The following AGPAT5 variants were observed in gnomAD, a reference collection of about 807,000 sequenced individuals.
AGPAT5 encodes the protein 1-acyl-sn-glycerol-3-phosphate acyltransferase epsilon.
In AGPAT5, 46 loss-of-function variants were observed where a neutral mutation model predicts 45.6. The observed-to-expected ratio is 1.01, with a 90% CI of 0.80 to 1.29. AGPAT5 has a LOEUF of 1.29. AGPAT5 is among the 50% of genes most tolerant of loss of function. The probability of loss-of-function intolerance (pLI) is 0.00; values close to 1 mark genes in which losing one functional copy is unlikely to be tolerated. For synonymous variants in AGPAT5, 272 were observed against 167.0 expected, an observed-to-expected ratio of 1.63 and a Z score of -4.85; for missense variants, 673 against 450.7, an observed-to-expected ratio of 1.49 and a Z score of -4.47.
chr8:6,722,450 A>G (rs891126423), intron 1 of AGPAT5, among the ~76,000 whole-genome samples: 9 of 152,224 alleles, frequency 5.9e-5, no homozygotes, highest in Non-Finnish European at 1.0e-4. Flanking sequence ...ACAAATGGAC[A>G]TGATTGAGAT....
At chr8:6,729,458 C>G (rs1323160379) in intron 2 of AGPAT5, among the ~76,000 whole-genome samples, 2 of 149,798 alleles carry the variant, frequency 1.3e-5, no homozygotes, top group African/African-American at 5.0e-5. Context: ...TAACAGTTTT[C>G]TTTTCGAGTA....
chr8:6,730,537 A>G (rs1587024164), intron 2 of AGPAT5, among the ~76,000 whole-genome samples, 174 bp from the exon 3 acceptor site: 1 of 17,650 alleles, frequency 5.7e-5, no homozygotes, highest in Non-Finnish European at 8.7e-5. Flanking sequence ...TCACCGTGTT[A>G]GCCAGGATGG....
chr8:6,724,219 G>A (rs1330988069), intron 1 of AGPAT5, among the ~76,000 whole-genome samples: 1 of 152,090 alleles, frequency 6.6e-6, no homozygotes, highest in Admixed American at 6.6e-5. Flanking sequence ...AAAGACTTCT[G>A]CCATTCCAGT....
chr8:6,708,765 G>T lies in AGPAT5; in HGVS notation c.97G>T (p.Gly33Trp). ...GGCGCCCACCTACGTGTTGGCCTGG[G>T]GGGTCTGGCGGCTGCTCTCCGCCTT... ...GTAPTYVLAW[G>W]VWRLLSAFLP... Residue 33 changes from glycine (G) to tryptophan (W), a missense_variant, in exon 1 of 8, where the codon GGG becomes TGG. Coordinates refer to ENST00000285518, the MANE Select transcript of AGPAT5 (RefSeq NM_018361.5). 1 of 1,608,608 alleles carries T rather than the reference G, an allele frequency of 6.2e-7. No homozygotes were observed.
chr8:6,723,182 T>A (rs1328458313), intron 1 of AGPAT5, among the ~76,000 whole-genome samples: 1 of 152,202 alleles, frequency 6.6e-6, no homozygotes, highest in Non-Finnish European at 1.5e-5. Flanking sequence ...AATAATTCAG[T>A]AAACATCTGT....
intron 4 of AGPAT5, among the ~76,000 whole-genome samples, chr8:6,739,708 G>C (rs1378552928): frequency 6.6e-6 from 1 of 152,030 alleles, no homozygotes; most frequent in Non-Finnish European, 1.5e-5. Context: ...AGAAATAACA[G>C]TTTTACTTTG....
At chr8:6,754,209 G>T (rs1275023125) in intron 6 of AGPAT5, among the ~76,000 whole-genome samples, 1 of 152,096 alleles carries the variant, frequency 6.6e-6, no homozygotes, top group Non-Finnish European at 1.5e-5. Flanking sequence ...GTTCTTTCTT[G>T]GAATAAATAA....
At chr8:6,751,224 T>A (rs1801645148) in intron 6 of AGPAT5, among the ~76,000 whole-genome samples, 2 of 152,230 alleles carry the variant, frequency 1.3e-5, no homozygotes, top group Admixed American at 6.5e-5. Context: ...TGTGGCCACA[T>A]TTCATTAGTA....
chr8:6,751,858 T>C (rs1801666884), intron 6 of AGPAT5, among the ~76,000 whole-genome samples: 1 of 152,208 alleles, frequency 6.6e-6, no homozygotes, highest in Non-Finnish European at 1.5e-5. Context: ...ACATATTTAC[T>C]TTCCATTTCT....
At chr8:6,755,292 C>A (rs750910515) in intron 7 of AGPAT5, 118 bp downstream of exon 7, 1 of 1,170,200 alleles carries the variant, frequency 8.5e-7, no homozygotes, top group African/African-American at 1.6e-5. Context: ...TTTATAAATT[C>A]AAATCAAATT....
In AGPAT5 at chr8:6,715,606, A is replaced by C. The variant is rs1373976984; in HGVS notation, c.219+6719A>C. 2.0e-5 allele frequency among the ~76,000 whole-genome samples: 3 copies of C among 152,364 alleles called. No individual in the cohort carries two copies. In the East Asian group the frequency reaches 5.8e-4, roughly 29 times the overall value. On this transcript the variant is annotated intron_variant, in intron 1 of 7. Transcript: ENST00000285518. ...GGTTCACATCTGTAGTAGCCTAGCC[A>C]GGAGTTTCAGGCACTTATTTTCTGA... is the stretch of plus-strand genomic sequence containing the variant.
At chr8:6,736,999 G>A (rs1801074290) in intron 4 of AGPAT5, among the ~76,000 whole-genome samples, 1 of 152,164 alleles carries the variant, frequency 6.6e-6, no homozygotes, top group South Asian at 2.1e-4. Context: ...CAACTCTTGG[G>A]TACTTTTAAA....
intron 1 of AGPAT5, among the ~76,000 whole-genome samples, chr8:6,712,417 A>T (rs1004549959): frequency 6.6e-6 from 1 of 152,158 alleles, no homozygotes; most frequent in Non-Finnish European, 1.5e-5. Flanking sequence ...TGATAAATTA[A>T]AGGTGATATA....
At chr8:6,742,693 A>C (rs1801279646) in intron 5 of AGPAT5, among the ~76,000 whole-genome samples, 1 of 152,222 alleles carries the variant, frequency 6.6e-6, no homozygotes, top group Non-Finnish European at 1.5e-5. Flanking sequence ...ATTTTAGTTT[A>C]ATTAAAAATA....
Position 6,759,241 on chromosome 8 carries a change from T to A in AGPAT5, c.*1853T>A, listed in dbSNP as rs1217758465. ...GAATATAATGGGTATGTTCTAAATT[T>A]GAACTTTGAGAGGCAATACTGTTGG... On this transcript the variant is annotated 3_prime_UTR_variant, in exon 8 of 8. Transcript: ENST00000285518. 1 of 152,236 alleles carries A rather than the reference T, an allele frequency of 6.6e-6. No individual in the cohort carries two copies. The highest frequency in any genetic ancestry group is 1.5e-5 in the Non-Finnish European group (1 of 68,038). 9.4% of individuals were successfully genotyped at this position (152,236 alleles called of 1,614,324 possible). A position where few individuals can be genotyped will look rare whatever the true frequency, so the allele number is the denominator to read the frequency against.
chr8:6,744,793 G>T (rs898400780), intron 5 of AGPAT5, among the ~76,000 whole-genome samples: 1 of 152,152 alleles, frequency 6.6e-6, no homozygotes, highest in African/African-American at 2.4e-5. Flanking sequence ...TGCAGCTCTT[G>T]TCTGCCCCAG....
At chr8:6,723,082 T>G (rs138019196) in intron 1 of AGPAT5, among the ~76,000 whole-genome samples, 7 of 152,374 alleles carry the variant, frequency 4.6e-5, no homozygotes, top group African/African-American at 1.4e-4. Flanking sequence ...AAGTCACTGG[T>G]GCACTTTAAT....
chr8:6,734,765 T>C (rs139623655), intron 4 of AGPAT5, among the ~76,000 whole-genome samples: 1,666 of 152,064 alleles, frequency 0.011, 20 homozygotes, highest in Middle Eastern at 0.02. Context: ...GCTTGGCCTT[T>C]AGTGTTGAGG....
chr8:6,752,914 G>A (rs1011732676), intron 6 of AGPAT5, among the ~76,000 whole-genome samples: 2 of 152,130 alleles, frequency 1.3e-5, no homozygotes, highest in Non-Finnish European at 1.5e-5. Flanking sequence ...TTTGTCGCAT[G>A]CTCCTCTCAT....
Sources: allele counts gnomAD v4.1 joint callset (sites outside exome capture counted in the v4.1 genomes callset), GRCh38; gene constraint gnomAD v4.1.1; transcripts MANE v1.5; gene names NCBI Gene and HGNC (gene_info 2026-07-23, HGNC 2026-07-21).